The following MME variants were observed in gnomAD, a reference collection of about 807,000 sequenced individuals.
MME encodes the protein neprilysin.
Under a neutral mutation model 113.2 loss-of-function variants are expected in MME, and 98 were observed. The observed-to-expected ratio is 0.87, with a 90% CI of 0.74 to 1.02. The LOEUF is 1.02. Among genes scored for constraint, MME ranks in the 50% least tolerant of loss-of-function variants. MME has a pLI of 0.00. For missense variants in MME, 836 were observed against 896.0 expected (o/e 0.93, Z 0.86); for synonymous variants, 292 against 300.6 (o/e 0.97, Z 0.30).
chr3:155,167,835 A>G (rs749850079), intron 18 of MME, among the ~76,000 whole-genome samples: 4 of 152,178 alleles, frequency 2.6e-5, no homozygotes, highest in Non-Finnish European at 5.9e-5. Flanking sequence ...GATTTGCCCA[A>G]AGGTAACAAA....
At chr3:155,043,156 G>C (rs1365537626) in intron 1 of MME, among the ~76,000 whole-genome samples, 1 of 149,768 alleles carries the variant, frequency 6.7e-6, no homozygotes, top group East Asian at 2.0e-4. Flanking sequence ...TCCTCCCTGT[G>C]ACAAAATTTA....
chr3:155,063,984 A>G, intron 1 of MME, among the ~76,000 whole-genome samples: 1 of 146,344 alleles, frequency 6.8e-6, no homozygotes, highest in East Asian at 2.0e-4. Context: ...TGATAGGACT[A>G]ATCCTCATAA....
intron 18 of MME, 98 bp downstream of exon 18, chr3:155,167,119 A>C: frequency 7.0e-7 from 1 of 1,426,762 alleles, no homozygotes; most frequent in Admixed American, 1.7e-5. Context: ...CATTTATTCA[A>C]ACATGTATCA....
intron 1 of MME, among the ~76,000 whole-genome samples, chr3:155,068,282 T>C (rs1372221748): frequency 2.0e-5 from 3 of 152,002 alleles, no homozygotes; most frequent in East Asian, 1.9e-4. Flanking sequence ...GAATAAGAGA[T>C]AGGTGGGGAA....
chr3:155,078,802 T>A (rs754971110), upstream of MME, among the ~76,000 whole-genome samples: 4 of 152,046 alleles, frequency 2.6e-5, no homozygotes, highest in Non-Finnish European at 5.9e-5. Context: ...CAATTATAGC[T>A]GCTAAAGGTA....
At chr3:155,107,889 A>G (rs1717824386) in intron 3 of MME, among the ~76,000 whole-genome samples, 1 of 152,244 alleles carries the variant, frequency 6.6e-6, no homozygotes. Context: ...CTCCACAACC[A>G]TAGTGTGGAA....
intron 16 of MME, among the ~76,000 whole-genome samples, chr3:155,154,831 G>A (rs1423262987): frequency 6.6e-6 from 1 of 152,116 alleles, no homozygotes; most frequent in Non-Finnish European, 1.5e-5. Flanking sequence ...CGGAGCACCG[G>A]ACACTTGAGA....
Position 155,180,442 on chromosome 3 carries a change from A to T in MME, c.2236A>T (p.Lys746Ter). Residue 746 changes from lysine (K) to a stop codon, truncating the protein, a stop_gained, in exon 23 of 23, where the codon AAG becomes TAG. Coordinates refer to ENST00000360490, the MANE Select transcript of MME (RefSeq NM_007289.4). LOFTEE classifies it high-confidence loss of function. ...GAATTCATACATGAATCCAGAAAAG[A>T]AGTGCCGGGTTTGGTGATCTTCAAA... ...RKNSYMNPEK[K>*]CRVW The T allele has an allele frequency of 1.9e-6, 3 of 1,613,382 alleles. No homozygotes were observed. The highest frequency in any genetic ancestry group is 2.5e-6 in the Non-Finnish European group (3 of 1,179,428).
intron 12 of MME, among the ~76,000 whole-genome samples, chr3:155,142,907 T>G (rs187160243): frequency 6.4e-4 from 97 of 152,258 alleles, no homozygotes; most frequent in Admixed American, 1.9e-3. Context: ...CGTGGACTGA[T>G]TAAAATTTCT....
At chr3:155,092,497 T>C (rs1716379581) in intron 3 of MME, among the ~76,000 whole-genome samples, 1 of 152,232 alleles carries the variant, frequency 6.6e-6, no homozygotes, top group African/African-American at 2.4e-5. Context: ...ATTCTACTCC[T>C]AGGTGTTACT....
intron 22 of MME, among the ~76,000 whole-genome samples, chr3:155,180,032 T>A (rs763225832): frequency 6.6e-6 from 1 of 152,200 alleles, no homozygotes; most frequent in African/African-American, 2.4e-5. Flanking sequence ...CAAACACATA[T>A]AATGCTTATA....
At chr3:155,167,772 G>A (rs1711509641) in intron 18 of MME, among the ~76,000 whole-genome samples, 1 of 152,108 alleles carries the variant, frequency 6.6e-6, no homozygotes, top group Non-Finnish European at 1.5e-5. Context: ...TTTACAGGTA[G>A]GTTCTAATAC....
intron 1 of MME, among the ~76,000 whole-genome samples, chr3:155,039,742 C>T (rs2108119299): frequency 6.6e-6 from 1 of 152,042 alleles, no homozygotes; most frequent in South Asian, 2.1e-4. Context: ...GTGCAGCTTA[C>T]TCTTAAATGA....
intron 17 of MME, among the ~76,000 whole-genome samples, chr3:155,166,682 A>G (rs1452748307): frequency 6.6e-6 from 1 of 152,138 alleles, no homozygotes; most frequent in Non-Finnish European, 1.5e-5. Context: ...ATTGGTTTCT[A>G]TTACAGAAGG....
At chr3:155,134,122 T>G (rs1720427785) in intron 8 of MME, among the ~76,000 whole-genome samples, 1 of 151,790 alleles carries the variant, frequency 6.6e-6, no homozygotes, top group South Asian at 2.1e-4. Context: ...GTGATTAGAG[T>G]TTTTTAAAAA....
rs1307740193 is a variant in MME at position 155,142,237 on chromosome 3, A to G, written c.1095A>G (p.Arg365=). 1 of 1,613,446 alleles carries G rather than the reference A, an allele frequency of 6.2e-7. No homozygotes were observed. The highest frequency in any genetic ancestry group is 1.3e-5 in the African/African-American group (1 of 74,988). The part of the protein sequence containing the change: ...LKPILTKYSA[R]DLQNLMSWRF... ...CTGGGCGGTGGTTTTTTTTATACAG[A>G]GATCTTCAAAATTTAATGTCCTGGA... The change falls in exon 12 of 23, where the codon AGA becomes AGG. Residue 365 remains arginine (R), a splice_region_variant and synonymous_variant. Coordinates refer to ENST00000360490, the MANE Select transcript of MME (RefSeq NM_007289.4).
chr3:155,028,610 C>T (rs569284379), intron 1 of MME, among the ~76,000 whole-genome samples: 1 of 152,236 alleles, frequency 6.6e-6, no homozygotes, highest in South Asian at 2.1e-4. Context: ...CAGACTTTTC[C>T]AAGTCTTGTA....
At chr3:155,070,737 A>G (rs1238215335) in intron 1 of MME, among the ~76,000 whole-genome samples, 1 of 152,136 alleles carries the variant, frequency 6.6e-6, no homozygotes, top group Non-Finnish European at 1.5e-5. Context: ...TAAGACATAT[A>G]CTTTCCCACT....
At chr3:155,139,748 G>A (rs892379724) in intron 9 of MME, among the ~76,000 whole-genome samples, 10 of 152,248 alleles carry the variant, frequency 6.6e-5, no homozygotes, top group African/African-American at 1.9e-4. Flanking sequence ...AGAAACTCTT[G>A]CACCTTTTTT....
Sources: allele counts gnomAD v4.1 joint callset (sites outside exome capture counted in the v4.1 genomes callset), GRCh38; gene constraint gnomAD v4.1.1; transcripts MANE v1.5; gene names NCBI Gene and HGNC (gene_info 2026-07-23, HGNC 2026-07-21).